HERC5: variants seen among roughly 807,000 people sequenced by gnomAD.
HERC5 encodes the protein HECT and RLD domain containing E3 ubiquitin protein ligase 5.
In HERC5, 99 loss-of-function variants were observed where a neutral mutation model predicts 119.6. That is an observed-to-expected ratio of 0.83 (90% CI 0.70 to 0.98). The LOEUF is 0.98. Ranked by LOEUF, HERC5 falls within the 50% of genes least tolerant of loss-of-function variation. The pLI is 0.00. For synonymous variants in HERC5, 478 were observed against 445.9 expected (o/e 1.07, Z -0.91); for missense variants, 1,267 against 1,241.3 (o/e 1.02, Z -0.31).
chr4:88,493,182 T>TC, intron 17 of HERC5, 27 bp downstream of exon 17: 2 of 1,610,424 alleles, frequency 1.2e-6, no homozygotes, highest in South Asian at 2.2e-5. Context: ...TTGCTTAAGG[T>TC]ATTTTGCGAC....
chr4:88,478,512 A>T (rs1741161260), intron 12 of HERC5, among the ~76,000 whole-genome samples: 4 of 152,148 alleles, frequency 2.6e-5, no homozygotes, highest in Admixed American at 2.0e-4. Context: ...AAGTTTAGAG[A>T]TCTACTAGAT....
Position 88,486,188 on chromosome 4 carries a change from T to C in HERC5, c.1811T>C (p.Phe604Ser), listed in dbSNP as rs1412801084. 1.2e-6 allele frequency: 2 copies of C among 1,612,432 alleles called. No homozygotes were observed. Among genetic ancestry groups the C allele is most frequent in the African/African-American group, 1.3e-5 (1 of 74,882 alleles). Residue 604 changes from phenylalanine to serine, a missense_variant, in exon 14 of 23, where the codon TTT becomes TCT. Phe to Ser is a radical substitution (Grantham distance 155). Transcript: ENST00000264350. The stretch of plus-strand genomic sequence containing the variant: ...GAACTCTTGCACCGTCTCAATTTTT[T>C]TGTAGAAGTATGCAGAAGGTACTTG... Reference protein sequence around the residue: ...VDELLHRLNFFVEVCRRYLWK... With the variant: ...VDELLHRLNFSVEVCRRYLWK...
At chr4:88,501,017 A>T in intron 20 of HERC5, 32 bp downstream of exon 20, 1 of 1,441,110 alleles carries the variant, frequency 6.9e-7, no homozygotes, top group Non-Finnish European at 9.6e-7. Context: ...GTTGGTTTGT[A>T]TATGTACTAT....
chr4:88,475,476 G>A (rs890092065), intron 11 of HERC5, among the ~76,000 whole-genome samples: 6 of 151,548 alleles, frequency 4.0e-5, no homozygotes, highest in South Asian at 2.1e-4. Context: ...GCACCGTCAC[G>A]CCCAGCTAAT....
At chr4:88,465,814 TA>T (rs1474934492) in intron 6 of HERC5, among the ~76,000 whole-genome samples, 1 of 152,152 alleles carries the variant, frequency 6.6e-6, no homozygotes, top group African/African-American at 2.4e-5. Flanking sequence ...GGAAGACACA[TA>T]AGGGCAGGGT....
At chr4:88,490,561 G>T (rs1048835924) in intron 16 of HERC5, among the ~76,000 whole-genome samples, 1 of 152,110 alleles carries the variant, frequency 6.6e-6, no homozygotes, top group Non-Finnish European at 1.5e-5. Context: ...AAAGCATATT[G>T]CCCCAGACAC....
chr4:88,486,451 G>A (rs557316306), intron 14 of HERC5, among the ~76,000 whole-genome samples: 9 of 152,152 alleles, frequency 5.9e-5, no homozygotes, highest in Non-Finnish European at 1.3e-4. Flanking sequence ...GGAAAGGGTA[G>A]AAATCTGTCT....
chr4:88,482,342 G>A (rs1332807690), intron 13 of HERC5, among the ~76,000 whole-genome samples: 1 of 151,260 alleles, frequency 6.6e-6, no homozygotes, highest in Non-Finnish European at 1.5e-5. Flanking sequence ...GAAAAGAAAA[G>A]AGAAGTAGTA....
Position 88,476,034 on chromosome 4 carries a change from A to G in HERC5, c.1582+4A>G. The G allele has an allele frequency of 6.2e-7, 1 of 1,608,750 alleles. No homozygotes were observed. Among genetic ancestry groups the G allele is most frequent in the Non-Finnish European group, 8.5e-7 (1 of 1,177,874 alleles). On this transcript the variant is annotated splice_donor_region_variant and intron_variant, in intron 12 of 22. Transcript: ENST00000264350. ...GACCAGTCTTCACTGGTTCTGGGTA[A>G]GTTTGATCATTTGAAGATACTTTAC...
chr4:88,470,784 T>A (rs1425509550), intron 10 of HERC5, 111 bp downstream of exon 10: 7 of 472,620 alleles, frequency 1.5e-5, no homozygotes, highest in East Asian at 1.1e-4. Context: ...TTTTTAAAAA[T>A]TTTTTTTAAC....
At chr4:88,490,824 G>A (rs750338408) in intron 16 of HERC5, among the ~76,000 whole-genome samples, 2 of 152,096 alleles carry the variant, frequency 1.3e-5, no homozygotes, top group African/African-American at 2.4e-5. Context: ...TAGCCTGGGC[G>A]ACAGAGCAAG....
chr4:88,506,007 C>A lies in HERC5; in HGVS notation c.*129C>A. On this transcript the variant is annotated 3_prime_UTR_variant, in exon 23 of 23. Transcript: ENST00000264350. ...TGAAGCCATGGTTTTTCATTTCTGT[C>A]TCTAGTGATAAGCAGGAAAGAGGGA... The A allele has an allele frequency of 1.4e-6, 1 of 713,676 alleles. No homozygotes were observed. The highest frequency in any genetic ancestry group is 2.3e-6 in the Non-Finnish European group (1 of 426,694). The allele number at this position is 713,676 out of a possible 1,614,324, so 44.2% of individuals were successfully genotyped here.
At chr4:88,474,130 G>T (rs1214263810) in intron 11 of HERC5, among the ~76,000 whole-genome samples, 2 of 152,208 alleles carry the variant, frequency 1.3e-5, no homozygotes, top group Admixed American at 6.5e-5. Flanking sequence ...GAAGCTCATG[G>T]TGTAGTAAGG....
At chr4:88,489,117 A>T (rs549638630) in intron 15 of HERC5, 49 bp from the exon 16 acceptor site, 1 of 1,501,354 alleles carries the variant, frequency 6.7e-7, no homozygotes, top group East Asian at 2.3e-5. Flanking sequence ...TTACTTAGAG[A>T]GGGCCAATGG....
chr4:88,477,550 G>A (rs1168689337), intron 12 of HERC5, among the ~76,000 whole-genome samples: 1 of 105,130 alleles, frequency 9.5e-6, no homozygotes, highest in Non-Finnish European at 2.0e-5. Flanking sequence ...GGGAAGTGGG[G>A]GAGGGGAAGG....
intron 6 of HERC5, among the ~76,000 whole-genome samples, chr4:88,464,802 G>A (rs895155333): frequency 5.9e-5 from 9 of 151,718 alleles, no homozygotes; most frequent in Non-Finnish European, 1.0e-4. Context: ...ACGGAGTCTC[G>A]CTCTGCTGCA....
chr4:88,490,086 G>A (rs1272611182), intron 16 of HERC5, among the ~76,000 whole-genome samples: 2 of 152,160 alleles, frequency 1.3e-5, no homozygotes, highest in African/African-American at 4.8e-5. Context: ...TTATTTTGGG[G>A]TATAATTGTA....
At chr4:88,479,582 T>G in intron 13 of HERC5, 75 bp downstream of exon 13, 2 of 1,276,012 alleles carry the variant, frequency 1.6e-6, no homozygotes, top group Non-Finnish European at 2.1e-6. Context: ...GGCTTGAATC[T>G]TTAAGTAGAC....
chr4:88,478,749 C>T (rs1741169591), intron 12 of HERC5, among the ~76,000 whole-genome samples: 1 of 151,888 alleles, frequency 6.6e-6, no homozygotes, highest in African/African-American at 2.4e-5. Context: ...GTAGCTGGGC[C>T]ACAGACATGT....
Sources: gnomAD v4.1 joint callset for allele counts (sites outside exome capture counted in the v4.1 genomes callset) on GRCh38, gnomAD v4.1.1 for gene constraint, MANE v1.5 for transcripts, NCBI Gene and HGNC (gene_info 2026-07-23, HGNC 2026-07-21) for gene names.